The following ETV6 variants were observed in gnomAD, a reference collection of about 807,000 sequenced individuals.
ETV6 encodes transcription factor ETV6.
A neutral mutation model predicts 51.1 loss-of-function variants in ETV6; 16 were observed. The observed-to-expected ratio is 0.31, with a 90% CI of 0.21 to 0.48. ETV6 has a LOEUF of 0.48. ETV6 is among the 20% of genes least tolerant of loss of function. ETV6 has a pLI of 0.99. For missense variants in ETV6, 458 were observed against 594.8 expected (o/e 0.77, Z 2.39); for synonymous variants, 240 against 224.1 (o/e 1.07, Z -0.64).
intron 2 of ETV6, among the ~76,000 whole-genome samples, chr12:11,759,015 G>A (rs1401020756): frequency 2.6e-5 from 4 of 152,294 alleles, no homozygotes; most frequent in African/African-American, 9.6e-5. Flanking sequence ...ACAGCCCACA[G>A]CAGAACAGCC....
intron 2 of ETV6, among the ~76,000 whole-genome samples, chr12:11,780,405 T>C (rs919705100): frequency 1.3e-5 from 2 of 152,178 alleles, no homozygotes; most frequent in African/African-American, 4.8e-5. Flanking sequence ...TTTAGAAGTA[T>C]ACCAGTTCTT....
At chr12:11,760,934 G>A (rs1565515725) in intron 2 of ETV6, among the ~76,000 whole-genome samples, 2 of 44,226 alleles carry the variant, frequency 4.5e-5, no homozygotes, top group African/African-American at 7.3e-5. Flanking sequence ...GTGTGTGTGT[G>A]TATATATGTA....
At chr12:11,695,743 GA>G (rs1864866980) in intron 1 of ETV6, among the ~76,000 whole-genome samples, 2 of 152,190 alleles carry the variant, frequency 1.3e-5, no homozygotes, top group African/African-American at 4.8e-5. Context: ...CAGTGCTGGA[GA>G]CCTAGGGGTG....
At chr12:11,847,680 C>A (rs1946485349) in intron 3 of ETV6, among the ~76,000 whole-genome samples, 3 of 152,010 alleles carry the variant, frequency 2.0e-5, no homozygotes, top group African/African-American at 7.3e-5. Flanking sequence ...AGGGAGGTGA[C>A]CTGAGCAAAA....
At chr12:11,713,929 C>A (rs1326056776) in intron 1 of ETV6, among the ~76,000 whole-genome samples, 3 of 152,214 alleles carry the variant, frequency 2.0e-5, no homozygotes, top group African/African-American at 7.2e-5. Flanking sequence ...AGCTTGAGAA[C>A]CAGTGTTCTA....
chr12:11,727,681 C>T (rs1043573476), intron 1 of ETV6, among the ~76,000 whole-genome samples: 1 of 152,336 alleles, frequency 6.6e-6, no homozygotes, highest in Non-Finnish European at 1.5e-5. Flanking sequence ...CGTTACAGCA[C>T]ACGTCTGTAT....
In ETV6 at chr12:11,869,567, T is replaced by TC; in HGVS notation, c.613dup (p.Leu205ProfsTer12). ...TGACCCCGAGCAGCGGCCCCTCCGGTCCCCCCTGGACAACATGATCCGCCG... is the reference window on the plus strand; with the variant it reads ...TGACCCCGAGCAGCGGCCCCTCCGGTCCCCCCCTGGACAACATGATCCGCCG... On this transcript the variant is annotated frameshift_variant, in exon 5 of 8. Transcript: ENST00000396373. LOFTEE classifies it high-confidence loss of function. The surrounding 1 kb of genome is among the most constrained non-coding windows in gnomAD (Gnocchi z 5.0). 1 of 1,613,726 alleles carries TC rather than the reference T, an allele frequency of 6.2e-7. No homozygotes were observed. The highest frequency in any genetic ancestry group is 8.5e-7 in the Non-Finnish European group (1 of 1,179,946).
At chr12:11,653,665 G>A (rs1479327119) in intron 1 of ETV6, among the ~76,000 whole-genome samples, 2 of 152,044 alleles carry the variant, frequency 1.3e-5, no homozygotes, top group South Asian at 2.1e-4. Context: ...TTCTGTCTGC[G>A]TGTAACCTCA....
intron 2 of ETV6, among the ~76,000 whole-genome samples, chr12:11,778,292 C>CCTGG: frequency 6.6e-6 from 1 of 152,320 alleles, no homozygotes; most frequent in African/African-American, 2.4e-5. Context: ...TCCTGGGCAG[C>CCTGG]CTGGCGAGCG....
At chr12:11,680,993 C>CT (rs1864518188) in intron 1 of ETV6, among the ~76,000 whole-genome samples, 1 of 152,120 alleles carries the variant, frequency 6.6e-6, no homozygotes, top group Non-Finnish European at 1.5e-5. Context: ...AGGTAGGAGA[C>CT]TTTAAGGTGC....
At chr12:11,844,396 A>G (rs1217996703) in intron 3 of ETV6, among the ~76,000 whole-genome samples, 1 of 152,208 alleles carries the variant, frequency 6.6e-6, no homozygotes, top group African/African-American at 2.4e-5. Context: ...TTCATATACT[A>G]GAGTGTGATT....
At chr12:11,789,641 CTTTCCTCATACTTGATAGATTA>C (rs1425627370) in intron 2 of ETV6, among the ~76,000 whole-genome samples, 6 of 152,258 alleles carry the variant, frequency 3.9e-5, no homozygotes, top group East Asian at 1.9e-4. Context: ...TGTCTTTCTT[CTTTCCTCATACTTGATAGATTA>C]TTTCCTCATA....
chr12:11,662,757 T>C (rs889243839), intron 1 of ETV6, among the ~76,000 whole-genome samples: 2 of 152,232 alleles, frequency 1.3e-5, no homozygotes, highest in Non-Finnish European at 2.9e-5. Flanking sequence ...TGCACATATT[T>C]CTGCCAGACT....
intron 5 of ETV6, 137 bp from the exon 6 acceptor site, chr12:11,884,307 TA>T: frequency 1.0e-6 from 1 of 971,808 alleles, no homozygotes; most frequent in Non-Finnish European, 1.6e-6. Context: ...TTCTTCCCGG[TA>T]AAACAAGGAA....
chr12:11,845,060 A>T (rs1041255365), intron 3 of ETV6, among the ~76,000 whole-genome samples: 4 of 151,984 alleles, frequency 2.6e-5, no homozygotes, highest in Non-Finnish European at 5.9e-5. Flanking sequence ...CAATCTCTTG[A>T]CCTCATGATC....
At chr12:11,833,886 TGTGCTACA>T (rs1328308054) in intron 2 of ETV6, among the ~76,000 whole-genome samples, 2 of 152,230 alleles carry the variant, frequency 1.3e-5, no homozygotes, top group African/African-American at 4.8e-5. Context: ...TCCATCTCTG[TGTGCTACA>T]GTTTTCTCAT....
At chr12:11,680,694 T>A (rs1864510696) in intron 1 of ETV6, among the ~76,000 whole-genome samples, 1 of 152,182 alleles carries the variant, frequency 6.6e-6, no homozygotes. Context: ...ATTAGAGCAT[T>A]TTCCCCAGGC....
chr12:11,823,070 G>C (rs1334937710), intron 2 of ETV6, among the ~76,000 whole-genome samples: 1 of 152,176 alleles, frequency 6.6e-6, no homozygotes, highest in Admixed American at 6.5e-5. Context: ...CCACAAGCAG[G>C]AAAAGCGAAG....
intron 1 of ETV6, among the ~76,000 whole-genome samples, chr12:11,749,144 A>G (rs1372032737): frequency 6.6e-6 from 1 of 152,132 alleles, no homozygotes; most frequent in Non-Finnish European, 1.5e-5. Context: ...TAACCACATC[A>G]CGGCATTCTG....
Sources: allele counts gnomAD v4.1 joint callset (sites outside exome capture counted in the v4.1 genomes callset), GRCh38; gene constraint gnomAD v4.1.1; non-coding constraint Gnocchi (gnomAD v3.1); transcripts MANE v1.5; gene names NCBI Gene and HGNC (gene_info 2026-07-23, HGNC 2026-07-21).